The following ABAT variants were observed in gnomAD, a reference collection of about 807,000 sequenced individuals.
The protein encoded by ABAT is 4-aminobutyrate aminotransferase, mitochondrial.
ABAT carries 45 observed loss-of-function variants against 64.6 expected under a neutral mutation model. That is an observed-to-expected ratio of 0.70 (90% CI 0.55 to 0.89). The LOEUF is 0.89. ABAT is among the 40% of genes least tolerant of loss of function. ABAT has a pLI of 0.00. For missense variants in ABAT, 633 were observed against 658.4 expected, an observed-to-expected ratio of 0.96 and a Z score of 0.42; for synonymous variants, 297 against 250.5, an observed-to-expected ratio of 1.19 and a Z score of -1.75.
chr16:8,715,645 A>AAG, intron 1 of ABAT: 1 of 143,444 alleles, frequency 7.0e-6, no homozygotes, highest in African/African-American at 2.7e-5. Context: ...AAAAAAAAAA[A>AAG]AAAAAAAAAA....
intron 1 of ABAT, among the ~76,000 whole-genome samples, chr16:8,732,824 G>C (rs1297666641): frequency 2.0e-5 from 3 of 148,092 alleles, no homozygotes; most frequent in Non-Finnish European, 3.0e-5. Flanking sequence ...CTCACCTCCC[G>C]GACGGGGCGG....
intron 1 of ABAT, among the ~76,000 whole-genome samples, chr16:8,705,804 G>A (rs572990171): frequency 1.2e-4 from 13 of 105,146 alleles, no homozygotes; most frequent in African/African-American, 3.8e-4. Flanking sequence ...TCACAAAGCA[G>A]CTAAGAGCAA....
At chr16:8,727,201 T>C (rs1335415287) in intron 1 of ABAT, among the ~76,000 whole-genome samples, 1 of 152,154 alleles carries the variant, frequency 6.6e-6, no homozygotes, top group African/African-American at 2.4e-5. Flanking sequence ...TGGATGCAAC[T>C]AGAGCAGCTG....
chr16:8,732,094 C>A (rs978316768), intron 1 of ABAT, among the ~76,000 whole-genome samples: 3 of 151,988 alleles, frequency 2.0e-5, no homozygotes, highest in African/African-American at 7.3e-5. Flanking sequence ...CTCAAGTGAT[C>A]CACCCATCTC....
intron 2 of ABAT, among the ~76,000 whole-genome samples, chr16:8,743,307 C>T (rs1328300355): frequency 2.2e-5 from 2 of 92,168 alleles, no homozygotes; most frequent in Non-Finnish European, 4.0e-5. Flanking sequence ...AAGCTATCTG[C>T]ATGTGTGTCT....
At chr16:8,765,690 GAAACGA>G (rs1368455065) in intron 8 of ABAT, 1 of 150,590 alleles carries the variant, frequency 6.6e-6, no homozygotes, top group Admixed American at 6.6e-5. Flanking sequence ...AACAAAAACA[GAAACGA>G]AAACAAAAAC....
intron 1 of ABAT, among the ~76,000 whole-genome samples, chr16:8,711,726 A>ATGATGATTGGATGGATG (rs1489993719): frequency 3.2e-5 from 3 of 94,798 alleles, no homozygotes; most frequent in South Asian, 4.3e-4. Context: ...ATGGATGGGA[A>ATGATGATTGGATGGATG]GATGGATGGG....
intron 1 of ABAT, among the ~76,000 whole-genome samples, chr16:8,718,168 A>G (rs2058265554): frequency 6.6e-6 from 1 of 152,200 alleles, no homozygotes; most frequent in Non-Finnish European, 1.5e-5. Context: ...CAAGAATGGA[A>G]TAAGATGAAG....
At chr16:8,693,466 T>C (rs189045175) in intron 1 of ABAT, among the ~76,000 whole-genome samples, 194 of 152,306 alleles carry the variant, frequency 1.3e-3, no homozygotes, top group Non-Finnish European at 2.2e-4. Context: ...TAGGTCTTTT[T>C]ATTTTTAGTT....
rs190308702 is a variant in ABAT at position 8,752,860 on chromosome 16, T to A, written c.316+2321T>A. Among the ~76,000 whole-genome samples the A allele has an allele frequency of 4.7e-3, 711 of 152,372 alleles. 7 individuals carry two copies. Among genetic ancestry groups the A allele is most frequent in the African/African-American group, 0.016 (681 of 41,584 alleles). On this transcript the variant is annotated intron_variant, in intron 5 of 15. Transcript: ENST00000268251. ...GTATCTGTAGTCTTTGAAAAGATTT[T>A]TTTAAGTTAATACTTATAGAGAATT...
chr16:8,679,112 A>C (rs574831854), intron 1 of ABAT, among the ~76,000 whole-genome samples: 1 of 152,298 alleles, frequency 6.6e-6, no homozygotes, highest in South Asian at 2.1e-4. Flanking sequence ...TGAGCCCAGG[A>C]GTTTGAGGCT....
intron 5 of ABAT, among the ~76,000 whole-genome samples, chr16:8,755,745 T>G (rs908559447): frequency 2.2e-5 from 3 of 136,780 alleles, no homozygotes; most frequent in Admixed American, 7.1e-5. Flanking sequence ...ACCTCATATC[T>G]ACTAAAAATA....
intron 5 of ABAT, among the ~76,000 whole-genome samples, chr16:8,756,991 G>C (rs2059666510): frequency 6.6e-6 from 1 of 152,164 alleles, no homozygotes; most frequent in Admixed American, 6.5e-5. Context: ...GCGGGTCACA[G>C]ATTGCAGGTG....
chr16:8,737,932 AAAGAAAGGAAAGGAAG>A (rs1210947027), intron 2 of ABAT, among the ~76,000 whole-genome samples: 5 of 96,466 alleles, frequency 5.2e-5, no homozygotes, highest in East Asian at 3.1e-4. Context: ...AAAAAAAAAA[AAAGAAAGGAAAGGAAG>A]AAAGGAAGGA....
At chr16:8,688,413 G>T (rs1322897843) in intron 1 of ABAT, among the ~76,000 whole-genome samples, 1 of 152,158 alleles carries the variant, frequency 6.6e-6, no homozygotes, top group African/African-American at 2.4e-5. Context: ...ACCTCCCAGG[G>T]CCAGGGACTT....
At chr16:8,777,234 C>A (rs2060293113) in intron 14 of ABAT, among the ~76,000 whole-genome samples, 1 of 151,694 alleles carries the variant, frequency 6.6e-6, no homozygotes. Flanking sequence ...TTTCAGACAT[C>A]CCCCCTTTGA....
At chr16:8,707,264 G>A (rs2142057203) in intron 1 of ABAT, among the ~76,000 whole-genome samples, 1 of 151,808 alleles carries the variant, frequency 6.6e-6, no homozygotes, top group East Asian at 1.9e-4. Flanking sequence ...ATGGCTCACT[G>A]CAGCCTCGAC....
chr16:8,755,156 C>T (rs1273422), intron 5 of ABAT, among the ~76,000 whole-genome samples: 30,019 of 151,934 alleles, frequency 0.2, 3,077 homozygotes, highest in South Asian at 0.3. Flanking sequence ...TTTTAACTCT[C>T]TGAGGCATGG....
intron 1 of ABAT, among the ~76,000 whole-genome samples, chr16:8,699,533 G>A (rs555574431): frequency 6.6e-6 from 1 of 152,012 alleles, no homozygotes; most frequent in African/African-American, 2.4e-5. Context: ...AATCCAGCCT[G>A]GGTGACTGAC....
Sources: gnomAD v4.1 joint callset for allele counts (sites outside exome capture counted in the v4.1 genomes callset) on GRCh38, gnomAD v4.1.1 for gene constraint, MANE v1.5 for transcripts, NCBI Gene and HGNC (gene_info 2026-07-23, HGNC 2026-07-21) for gene names.